The following SLC40A1 variants were observed in gnomAD, a reference collection of about 807,000 sequenced individuals.
The protein encoded by SLC40A1 is ferroportin.
SLC40A1 carries 16 observed loss-of-function variants against 53.5 expected under a neutral mutation model. The observed-to-expected ratio is 0.30, with a 90% CI of 0.20 to 0.45. The LOEUF (loss-of-function observed/expected upper bound fraction) is 0.45. SLC40A1 is among the 20% of genes least tolerant of loss of function. SLC40A1 has a pLI of 1.00. For missense variants in SLC40A1, 545 were observed against 695.4 expected, an observed-to-expected ratio of 0.78 and a Z score of 2.43; for synonymous variants, 247 against 253.2, an observed-to-expected ratio of 0.98 and a Z score of 0.23.
chr2:189,565,361 TA>T lies in SLC40A1; in HGVS notation c.752del (p.Leu251TyrfsTer15). 1 of 1,614,240 alleles carries T rather than the reference TA, an allele frequency of 6.2e-7. No individual in the cohort carries two copies. The highest frequency in any genetic ancestry group is 8.5e-7 in the Non-Finnish European group (1 of 1,180,028). The part of the protein sequence containing the change: ...EEETELKQLN[L>X]HKDTEPKPLE... ...TCATTGTGTTCAGTTTACCTTTGTG[TA>T]AATTCAGCTGTTTCAATTCAGTTTC... is the stretch of plus-strand genomic sequence containing the variant. On this transcript the variant is annotated frameshift_variant, in exon 6 of 8. Transcript: ENST00000261024. LOFTEE classifies it high-confidence loss of function.
At chr2:189,563,261 C>T (rs1574236721) in intron 7 of SLC40A1, among the ~76,000 whole-genome samples, 1 of 125,038 alleles carries the variant, frequency 8.0e-6, no homozygotes, top group Non-Finnish European at 1.6e-5. Context: ...GGTAACAGAG[C>T]AAGACCCTGA....
At chr2:189,572,465 T>C (rs895976029) in intron 4 of SLC40A1, 2 of 298,786 alleles carry the variant, frequency 6.7e-6, no homozygotes, top group Non-Finnish European at 6.4e-6. Flanking sequence ...CTGGTTGACA[T>C]TCCCAAACAG....
chr2:189,573,345 A>G (rs959014199), intron 3 of SLC40A1, among the ~76,000 whole-genome samples: 1 of 152,246 alleles, frequency 6.6e-6, no homozygotes, highest in African/African-American at 2.4e-5. Context: ...ATGAGGTTAA[A>G]GAGGAAGTTA....
In SLC40A1 at chr2:189,560,965, A is replaced by C. The variant is rs189968883; in HGVS notation, c.*913T>G. On this transcript the variant is annotated 3_prime_UTR_variant, in exon 8 of 8. Coordinates refer to ENST00000261024, the MANE Select transcript of SLC40A1 (RefSeq NM_014585.6). Reference sequence around the variant, plus strand: ...AAAATATTCTACCTGAGTGTGTTAAATCAAGTGATTTGTAAAACAAAACCT... The same window carrying C: ...AAAATATTCTACCTGAGTGTGTTAACTCAAGTGATTTGTAAAACAAAACCT... 1 of 152,356 alleles carries C rather than the reference A, an allele frequency of 6.6e-6. No homozygotes were observed. Among genetic ancestry groups the C allele is most frequent in the East Asian group, 1.9e-4 (1 of 5,190 alleles). The allele number at this position is 152,356 out of a possible 1,614,324, so 9.4% of individuals were successfully genotyped here. A position where few individuals can be genotyped will look rare whatever the true frequency, so the allele number is the denominator to read the frequency against.
chr2:189,562,168 C>T lies in SLC40A1; in HGVS notation c.1426G>A (p.Val476Met). 1 of 1,612,818 alleles carries T rather than the reference C, an allele frequency of 6.2e-7. No homozygotes were observed. The highest frequency in any genetic ancestry group is 8.5e-7 in the Non-Finnish European group (1 of 1,179,160). ...RIGLWSFDLT[V>M]TQLLQENVIE... ...ACATTTTCTTGCAGCAACTGTGTCA[C>T]AGTTAAATCAAAGGACCAAAGACCT... Residue 476 changes from valine (V) to methionine (M), a missense_variant, in exon 8 of 8, where the codon GTG becomes ATG. Physicochemically the swap from Val to Met is conservative, Grantham distance 21. Around this residue, in one of 4 missense-constraint regions of SLC40A1, gnomAD observed 234 missense variants for 299.0 expected, o/e 0.78. Transcript: ENST00000261024.
At chr2:189,566,363 A>T (rs2030940627) in intron 5 of SLC40A1, among the ~76,000 whole-genome samples, 1 of 152,218 alleles carries the variant, frequency 6.6e-6, no homozygotes, top group Non-Finnish European at 1.5e-5. Context: ...CATACCCTGG[A>T]GCACAATGTG....
rs1244905766 is a variant in SLC40A1, at chr2:189,563,996, C to T, written c.990G>A (p.Gly330=). The T allele has an allele frequency of 6.2e-7, 1 of 1,613,944 alleles. No homozygotes were observed. Among genetic ancestry groups the T allele is most frequent in the African/African-American group, 1.3e-5 (1 of 74,900 alleles). The change falls in exon 7 of 8, where the codon GGG becomes GGA. Residue 330 remains glycine, a synonymous_variant. Coordinates refer to ENST00000261024, the MANE Select transcript of SLC40A1 (RefSeq NM_014585.6). ...CACTCAGTCCCTGAGTGTAGGCGTACCCTGTGGTGATGCAGTCAAAGCCCA... is the reference window on the plus strand; with the variant it reads ...CACTCAGTCCCTGAGTGTAGGCGTATCCTGTGGTGATGCAGTCAAAGCCCA... ...TVLGFDCITT[G]YAYTQGLSGS...
At chr2:189,575,042 G>T (rs1413331656) in intron 3 of SLC40A1, 119 bp downstream of exon 3, 3 of 1,157,630 alleles carry the variant, frequency 2.6e-6, no homozygotes, top group Non-Finnish European at 3.9e-6. Context: ...CCTCCCTCAA[G>T]TGTGGCATGC....
chr2:189,568,295 T>C (rs2031001961), intron 5 of SLC40A1, among the ~76,000 whole-genome samples: 1 of 152,100 alleles, frequency 6.6e-6, no homozygotes, highest in Non-Finnish European at 1.5e-5. Context: ...AAGACAATCC[T>C]GGCTAACACA....
rs956608384 is a variant in SLC40A1, at chr2:189,571,801, G to T, written c.428C>A (p.Ala143Glu). 45 of 1,612,534 alleles carry T rather than the reference G, an allele frequency of 2.8e-5. No homozygotes were observed. Among genetic ancestry groups the T allele is most frequent in the Non-Finnish European group, 3.8e-5 (45 of 1,178,866 alleles). The change falls in exon 5 of 8, where the codon GCA (alanine) becomes GAA (glutamate). Residue 143 changes from alanine to glutamate, a missense_variant. Coordinates refer to ENST00000261024, the MANE Select transcript of SLC40A1 (RefSeq NM_014585.6). Reference sequence around the variant, plus strand: ...TGCAGTAGCAGTACTGGCCAAATTTGCAATATTTGCAATAGTGATGATCAG... The same window carrying T: ...TGCAGTAGCAGTACTGGCCAAATTTTCAATATTTGCAATAGTGATGATCAG... The part of the protein sequence containing the change: ...YILIITIANI[A>E]NLASTATAIT...
In SLC40A1 at chr2:189,561,719, T is replaced by A; in HGVS notation, c.*159A>T. On this transcript the variant is annotated 3_prime_UTR_variant, in exon 8 of 8. Coordinates refer to ENST00000261024, the MANE Select transcript of SLC40A1 (RefSeq NM_014585.6). Reference sequence around the variant, plus strand: ...ACATAAGGGAAATTAATCAGTTAATTTCTGCTGACTTAGGTTTCCTAAACA... The same window carrying A: ...ACATAAGGGAAATTAATCAGTTAATATCTGCTGACTTAGGTTTCCTAAACA... The A allele has an allele frequency of 1.5e-6, 1 of 651,264 alleles. No individual in the cohort carries two copies. The highest frequency in any genetic ancestry group is 2.7e-5 in the East Asian group (1 of 36,456). The allele number at this position is 651,264 out of a possible 1,614,324, so 40.3% of individuals were successfully genotyped here. A position where few individuals can be genotyped will look rare whatever the true frequency, so the allele number is the denominator to read the frequency against.
intron 3 of SLC40A1, among the ~76,000 whole-genome samples, chr2:189,573,761 A>C (rs2031207082): frequency 6.6e-6 from 1 of 152,244 alleles, no homozygotes; most frequent in Admixed American, 6.5e-5. Context: ...ATGAAGTTCT[A>C]TATGTAAGGG....
intron 3 of SLC40A1, 68 bp from the exon 4 acceptor site, chr2:189,573,029 C>T (rs2031180627): frequency 8.6e-6 from 9 of 1,046,992 alleles, no homozygotes; most frequent in Non-Finnish European, 1.2e-5. Flanking sequence ...CTTATCCACA[C>T]ATAATTGTTC....
chr2:189,572,807 T>C, intron 4 of SLC40A1, 39 bp downstream of exon 4: 1 of 1,412,802 alleles, frequency 7.1e-7, no homozygotes, highest in Non-Finnish European at 1.0e-6. Flanking sequence ...CTACCAGATA[T>C]TCAATTTTCT....
intron 2 of SLC40A1, among the ~76,000 whole-genome samples, chr2:189,577,451 G>A (rs2031322485): frequency 6.6e-6 from 1 of 152,134 alleles, no homozygotes; most frequent in Non-Finnish European, 1.5e-5. Context: ...GAGAAATGCA[G>A]ACATATTGGG....
chr2:189,572,620 C>A, intron 4 of SLC40A1: 1 of 584,490 alleles, frequency 1.7e-6, no homozygotes. Context: ...TTAGAAATGC[C>A]ATTAGAAACC....
intron 1 of SLC40A1, 77 bp from the exon 2 acceptor site, chr2:189,579,957 G>T (rs944533859): frequency 7.3e-7 from 1 of 1,366,158 alleles, no homozygotes; most frequent in South Asian, 1.2e-5. Flanking sequence ...TTATCCATTT[G>T]ATCTCATTAG....
chr2:189,561,972 A>T lies in SLC40A1; in HGVS notation c.1622T>A (p.Phe541Tyr). The T allele has an allele frequency of 6.2e-7, 1 of 1,614,194 alleles. No homozygotes were observed. Among genetic ancestry groups the T allele is most frequent in the Non-Finnish European group, 8.5e-7 (1 of 1,180,000 alleles). The change falls in exon 8 of 8, where the codon TTT becomes TAT. Residue 541 changes from phenylalanine to tyrosine, a missense_variant. Physicochemically the swap from Phe to Tyr is conservative, Grantham distance 22. Around this residue, in one of 4 missense-constraint regions of SLC40A1, gnomAD observed 234 missense variants for 299.0 expected, o/e 0.78. Transcript: ENST00000261024. ...VAMGHIMYFRFAQNTLGNKLF... is the reference protein window; with the variant it reads ...VAMGHIMYFRYAQNTLGNKLF... ...CTTGTTTCCCAGAGTATTTTGGGCA[A>T]ATCGGAAATACATAATGTGGCCCAT... is the stretch of plus-strand genomic sequence containing the variant.
chr2:189,562,739 C>T (rs919317123), intron 7 of SLC40A1, among the ~76,000 whole-genome samples: 3 of 152,070 alleles, frequency 2.0e-5, no homozygotes, highest in African/African-American at 7.2e-5. Context: ...TTCATCAGTA[C>T]TCTATTAATT....
Sources: gnomAD v4.1 joint callset for allele counts (sites outside exome capture counted in the v4.1 genomes callset) on GRCh38, gnomAD v4.1.1 for gene constraint, gnomAD v4.1.1 regional missense constraint, MANE v1.5 for transcripts, NCBI Gene and HGNC (gene_info 2026-07-23, HGNC 2026-07-21) for gene names.